TPD52: variants seen among roughly 807,000 people sequenced by gnomAD.
The protein encoded by TPD52 is tumor protein D52.
TPD52 carries 17 observed loss-of-function variants against 31.3 expected under a neutral mutation model. That is an observed-to-expected ratio of 0.54 (90% CI 0.37 to 0.82). The LOEUF (loss-of-function observed/expected upper bound fraction) is 0.82. Among genes scored for constraint, TPD52 ranks in the 40% least tolerant of loss-of-function variants. The pLI, the probability that TPD52 is intolerant of heterozygous loss-of-function variation, is 0.00. For synonymous variants in TPD52, 83 were observed against 89.6 expected, an observed-to-expected ratio of 0.93 and a Z score of 0.42; for missense variants, 212 against 240.1, an observed-to-expected ratio of 0.88 and a Z score of 0.77.
At chr8:80,146,741 T>G (rs4740121) in intron 1 of TPD52, among the ~76,000 whole-genome samples, 3 of 152,072 alleles carry the variant, frequency 2.0e-5, no homozygotes, top group Admixed American at 6.5e-5. Context: ...CACATTTATA[T>G]GTGGGTACAC....
chr8:80,137,656 T>C (rs1220934443), intron 1 of TPD52, among the ~76,000 whole-genome samples: 1 of 152,252 alleles, frequency 6.6e-6, no homozygotes, highest in Non-Finnish European at 1.5e-5. Flanking sequence ...GAACATGTAT[T>C]ATTTTTCATA....
Position 80,040,184 on chromosome 8 carries a change from CCT to C in TPD52, c.505-1951_505-1950del, listed in dbSNP as rs1810239819. Reference sequence around the variant, plus strand: ...TTGGGGTATCTGTTTAATACGCTATCCTTTTTTTTTTTTTTTTTTTTTTTTTT... The same window carrying C: ...TTGGGGTATCTGTTTAATACGCTATCTTTTTTTTTTTTTTTTTTTTTTTTT... On this transcript the variant is annotated intron_variant, in intron 7 of 7. Transcript: ENST00000518937. 1.6e-4 allele frequency among the ~76,000 whole-genome samples: 21 copies of C among 132,404 alleles called. No homozygotes were observed. The South Asian group carries it at 4.6e-3, about 29-fold the overall frequency. 86.9% of individuals were successfully genotyped at this position (132,404 alleles called of 152,430 possible). A position where few individuals can be genotyped will look rare whatever the true frequency, so the allele number is the denominator to read the frequency against.
chr8:80,088,695 A>G (rs2130870563), intron 1 of TPD52, among the ~76,000 whole-genome samples: 1 of 152,266 alleles, frequency 6.6e-6, no homozygotes, highest in Middle Eastern at 3.4e-3. Flanking sequence ...CTAACTCCCA[A>G]TATGGCTGTA....
intron 1 of TPD52, among the ~76,000 whole-genome samples, chr8:80,139,858 C>G (rs770923162): frequency 6.4e-4 from 97 of 152,204 alleles, no homozygotes; most frequent in Non-Finnish European, 1.1e-3. Context: ...GCCTGATGTT[C>G]GGGGGATGGA....
intron 1 of TPD52, among the ~76,000 whole-genome samples, chr8:80,069,580 C>T (rs750353405): frequency 6.6e-6 from 1 of 152,014 alleles, no homozygotes; most frequent in Non-Finnish European, 1.5e-5. Context: ...CACTTGAGGC[C>T]AGGAGTTCAA....
At chr8:80,064,376 C>T (rs1334778203) in intron 2 of TPD52, 102 bp downstream of exon 2, 1 of 928,926 alleles carries the variant, frequency 1.1e-6, no homozygotes. Context: ...TGCTTTCTCT[C>T]CCCTGGAACT....
chr8:80,162,676 A>G (rs1117241), intron 1 of TPD52, among the ~76,000 whole-genome samples: 70,122 of 151,954 alleles, frequency 0.46, 16,484 homozygotes, highest in East Asian at 0.72. Context: ...CGTAATAAGA[A>G]AAAATATTTG....
At chr8:80,057,224 C>A (rs1444694826) in intron 2 of TPD52, among the ~76,000 whole-genome samples, 4 of 152,104 alleles carry the variant, frequency 2.6e-5, no homozygotes, top group African/African-American at 9.7e-5. Context: ...AAGCTGTACA[C>A]AATTGCTTAC....
chr8:80,109,089 T>G (rs1404051441), intron 1 of TPD52, among the ~76,000 whole-genome samples: 1 of 152,194 alleles, frequency 6.6e-6, no homozygotes, highest in Non-Finnish European at 1.5e-5. Flanking sequence ...GTGTTCCCAG[T>G]CTCACAGTGA....
At chr8:80,060,476 C>A (rs1009895527) in intron 2 of TPD52, among the ~76,000 whole-genome samples, 4 of 152,006 alleles carry the variant, frequency 2.6e-5, no homozygotes, top group Admixed American at 6.6e-5. Context: ...TTCTAAAAAA[C>A]CAGAAGATGG....
intron 7 of TPD52, among the ~76,000 whole-genome samples, chr8:80,040,326 T>C (rs1357121017): frequency 6.7e-6 from 1 of 149,934 alleles, no homozygotes; most frequent in Non-Finnish European, 1.5e-5. Flanking sequence ...TAGGTGGGAC[T>C]ACAGGTGTAT....
At position 80,042,527 on chromosome 8, in the gene TPD52, A is replaced by G. The variant is rs1391787588; in HGVS notation, c.504+93T>C. 9.8e-6 allele frequency: 15 copies of G among 1,535,128 alleles called. No individual in the cohort carries two copies. In the Admixed American group the frequency reaches 3.1e-4, roughly 32 times the overall value. On this transcript the variant is annotated intron_variant, in intron 7 of 7. Transcript: ENST00000518937. ...ATTTACATTCTTTAGATATTTTTAG[A>G]AAGAAATATTAATGTCAATGATTTT... is the stretch of plus-strand genomic sequence containing the variant.
chr8:80,064,730 T>C, intron 1 of TPD52, 137 bp from the exon 2 acceptor site: 3 of 726,176 alleles, frequency 4.1e-6, no homozygotes, highest in Non-Finnish European at 7.4e-6. Context: ...TCAAATGACC[T>C]GGCTTTCTCA....
At chr8:80,061,652 C>T (rs1439148760) in intron 2 of TPD52, among the ~76,000 whole-genome samples, 1 of 152,088 alleles carries the variant, frequency 6.6e-6, no homozygotes, top group Admixed American at 6.6e-5. Context: ...TCACTGCACT[C>T]TAGCATGGGT....
intron 1 of TPD52, among the ~76,000 whole-genome samples, chr8:80,156,385 C>T (rs1019038504): frequency 2.0e-5 from 3 of 152,158 alleles, no homozygotes; most frequent in Non-Finnish European, 4.4e-5. Flanking sequence ...GTGTCACTTC[C>T]GTCTCATTCT....
At chr8:80,158,804 C>T (rs549004962) in intron 1 of TPD52, 40 of 150,574 alleles carry the variant, frequency 2.7e-4, no homozygotes, top group African/African-American at 9.3e-4. Context: ...ATTAGCCGGG[C>T]GTAGTGGCGG....
Position 80,157,696 on chromosome 8 carries a change from A to G in TPD52, c.19+13729T>C, listed in dbSNP as rs563417283. On this transcript the variant is annotated intron_variant, in intron 1 of 7. Coordinates refer to ENST00000518937, the MANE Select transcript of TPD52 (RefSeq NM_001025253.3). ...AAAATTCTAAAATCACAGCATTACTACAATTTCACCCAAATGTCACCTCTA... is the reference window on the plus strand; with the variant it reads ...AAAATTCTAAAATCACAGCATTACTGCAATTTCACCCAAATGTCACCTCTA... 9.8e-5 allele frequency among the ~76,000 whole-genome samples: 15 copies of G among 152,334 alleles called. No homozygotes were observed. In the East Asian group the frequency reaches 2.9e-3, roughly 29 times the overall value.
chr8:80,138,770 T>C (rs1406088094), intron 1 of TPD52, among the ~76,000 whole-genome samples: 1 of 152,140 alleles, frequency 6.6e-6, no homozygotes, highest in Non-Finnish European at 1.5e-5. Flanking sequence ...TCTCTGAACA[T>C]TGAGAACCTG....
At chr8:80,093,174 GAATAAT>G (rs143097494) in intron 1 of TPD52, among the ~76,000 whole-genome samples, 1 of 151,676 alleles carries the variant, frequency 6.6e-6, no homozygotes, top group Admixed American at 6.6e-5. Context: ...TTCGACTCTG[GAATAAT>G]AATAATAATA....
Sources: gnomAD v4.1 joint callset for allele counts (sites outside exome capture counted in the v4.1 genomes callset) on GRCh38, gnomAD v4.1.1 for gene constraint, MANE v1.5 for transcripts, NCBI Gene and HGNC (gene_info 2026-07-23, HGNC 2026-07-21) for gene names.